TMEM164: variants seen among roughly 807,000 people sequenced by gnomAD.
TMEM164 encodes RP13-360B22.2.
TMEM164 carries 4 observed loss-of-function variants against 18.8 expected under a neutral mutation model. That is an observed-to-expected ratio of 0.21 (90% CI 0.10 to 0.49). TMEM164 has a LOEUF of 0.49. Among genes scored for constraint, TMEM164 ranks in the 20% least tolerant of loss-of-function variants. The pLI is 0.98. For missense variants in TMEM164, 108 were observed against 239.9 expected, an observed-to-expected ratio of 0.45 and a Z score of 3.63; for synonymous variants, 86 against 101.7, an observed-to-expected ratio of 0.85 and a Z score of 0.93.
chrX:110,098,998 T>C (rs1034367977), intron 3 of TMEM164, among the ~76,000 whole-genome samples: 2 of 101,049 alleles, frequency 2.0e-5, no homozygotes, highest in East Asian at 3.1e-4. Context: ...CGGGGTTTCA[T>C]CATGTTAGCC....
chrX:110,168,657 A>G (rs2067190084), intron 5 of TMEM164, among the ~76,000 whole-genome samples: 1 of 112,647 alleles, frequency 8.9e-6, no homozygotes, highest in Admixed American at 9.3e-5. Context: ...TCCACAGAAG[A>G]GCCCCCAGCC....
At chrX:110,155,227 C>A (rs2067000364) in intron 5 of TMEM164, among the ~76,000 whole-genome samples, 1 of 110,851 alleles carries the variant, frequency 9.0e-6, no homozygotes, top group Admixed American at 9.6e-5. Flanking sequence ...CTCCAGGGTA[C>A]CTCTTTCTCC....
intron 2 of TMEM164, among the ~76,000 whole-genome samples, chrX:110,054,504 T>C (rs1935722677): frequency 9.0e-6 from 1 of 110,571 alleles, no homozygotes; most frequent in Admixed American, 9.6e-5. Context: ...TGAACTGGAG[T>C]GGGGAACAAA....
chrX:110,108,213 A>G (rs965023204), intron 3 of TMEM164, among the ~76,000 whole-genome samples: 4 of 106,564 alleles, frequency 3.8e-5, no homozygotes, highest in Non-Finnish European at 7.7e-5. Context: ...CATCAAATCA[A>G]CGTTTCTTCA....
chrX:110,092,741 ACT>A (rs778759035), intron 3 of TMEM164, among the ~76,000 whole-genome samples: 2 of 110,998 alleles, frequency 1.8e-5, no homozygotes, highest in African/African-American at 3.3e-5. Context: ...AGCTTCCAAC[ACT>A]CTGTTGAATA....
intron 2 of TMEM164, among the ~76,000 whole-genome samples, chrX:110,023,476 C>T (rs1934018833): frequency 9.0e-6 from 1 of 111,016 alleles, no homozygotes; most frequent in African/African-American, 3.3e-5. Flanking sequence ...CTTCCCAAGC[C>T]AGAAATTTAG....
chrX:110,030,326 G>C, intron 2 of TMEM164, among the ~76,000 whole-genome samples: 1 of 107,320 alleles, frequency 9.3e-6, no homozygotes, highest in South Asian at 4.2e-4. Context: ...TCACTGCGTT[G>C]CCGAGGCTAG....
chrX:110,026,714 C>G (rs993479199), intron 2 of TMEM164, among the ~76,000 whole-genome samples: 2 of 111,886 alleles, frequency 1.8e-5, no homozygotes, highest in African/African-American at 6.5e-5. Context: ...AGTCACACAG[C>G]TAGTGGGGTG....
chrX:110,121,139 A>G (rs2066443403), intron 4 of TMEM164, among the ~76,000 whole-genome samples: 2 of 112,773 alleles, frequency 1.8e-5, no homozygotes, highest in African/African-American at 6.4e-5. Flanking sequence ...ACAAATGAGC[A>G]CTTGCCTTGT....
intron 4 of TMEM164, among the ~76,000 whole-genome samples, chrX:110,127,350 T>C (rs2066548843): frequency 9.0e-6 from 1 of 110,972 alleles, no homozygotes. Context: ...CCGTCTGTAC[T>C]AAAAATACAA....
intron 5 of TMEM164, among the ~76,000 whole-genome samples, chrX:110,149,132 A>ATTT (rs2066904513): frequency 1.8e-5 from 2 of 110,527 alleles, no homozygotes; most frequent in African/African-American, 3.3e-5. Flanking sequence ...AAGCCCCATA[A>ATTT]TATCCATGAG....
chrX:110,143,313 A>G (rs962539142), intron 4 of TMEM164, among the ~76,000 whole-genome samples: 6 of 111,618 alleles, frequency 5.4e-5, no homozygotes, highest in Non-Finnish European at 1.1e-4. Context: ...TAAATTTAAG[A>G]TACTAGAGTG....
intron 3 of TMEM164, among the ~76,000 whole-genome samples, chrX:110,089,880 G>A (rs769196696): frequency 5.4e-5 from 6 of 112,061 alleles, no homozygotes; most frequent in Non-Finnish European, 9.4e-5. Context: ...AAATTTCTTA[G>A]CATGAAATCT....
chrX:110,179,109 G>C (rs1214314811), downstream of TMEM164, among the ~76,000 whole-genome samples: 1 of 112,106 alleles, frequency 8.9e-6, no homozygotes, highest in Non-Finnish European at 1.9e-5. Context: ...AGACCTGAAA[G>C]GCACAGGAAG....
chrX:110,084,972 T>G, intron 3 of TMEM164, among the ~76,000 whole-genome samples: 1 of 110,877 alleles, frequency 9.0e-6, no homozygotes, highest in East Asian at 2.8e-4. Context: ...CTTCTCAATG[T>G]TTTATTCTAG....
chrX:110,125,673 G>T (rs912778904), intron 4 of TMEM164, among the ~76,000 whole-genome samples: 1 of 112,520 alleles, frequency 8.9e-6, no homozygotes, highest in Admixed American at 9.4e-5. Context: ...TTCTGTGCAC[G>T]GAGTTTGGAG....
At chrX:110,056,292 T>C (rs1016525927) in intron 2 of TMEM164, among the ~76,000 whole-genome samples, 4 of 111,565 alleles carry the variant, frequency 3.6e-5, no homozygotes, top group African/African-American at 1.3e-4. Context: ...ATGTGACCTT[T>C]TTCCACTGGC....
intron 2 of TMEM164, among the ~76,000 whole-genome samples, chrX:110,021,748 C>G (rs980745610): frequency 8.9e-6 from 1 of 112,161 alleles, no homozygotes; most frequent in African/African-American, 3.2e-5. Context: ...CTAGGCTGGA[C>G]TAGCTAATCG....
intron 5 of TMEM164, among the ~76,000 whole-genome samples, chrX:110,145,079 C>A (rs770488769): frequency 9.0e-6 from 1 of 110,782 alleles, no homozygotes; most frequent in Admixed American, 9.6e-5. Context: ...ACTTTTTAGA[C>A]CCACCCTTCA....
Sources: allele counts gnomAD v4.1 joint callset (sites outside exome capture counted in the v4.1 genomes callset), GRCh38; gene constraint gnomAD v4.1.1; transcripts MANE v1.5; gene names NCBI Gene and HGNC (gene_info 2026-07-23, HGNC 2026-07-21).